HIRA: variants seen among roughly 807,000 people sequenced by gnomAD.
HIRA encodes the protein histone cell cycle regulator.
A neutral mutation model predicts 126.6 loss-of-function variants in HIRA; 13 were observed. The observed-to-expected ratio is 0.10, with a 90% confidence interval of 0.07 to 0.16. The LOEUF (loss-of-function observed/expected upper bound fraction) is 0.16. Ranked by LOEUF, HIRA falls within the 10% of genes least tolerant of loss-of-function variation. HIRA has a pLI of 1.00. For missense variants in HIRA, 834 were observed against 1,314.4 expected (o/e 0.63, Z 5.65); for synonymous variants, 511 against 520.0 (o/e 0.98, Z 0.24).
At chr22:19,397,703 C>G (rs2089235172) in intron 6 of HIRA, among the ~76,000 whole-genome samples, 1 of 152,142 alleles carries the variant, frequency 6.6e-6, no homozygotes, top group African/African-American at 2.4e-5. Flanking sequence ...GGTGGGGGTG[C>G]ACACAGCAGG....
chr22:19,383,017 G>C (rs1246137458), intron 13 of HIRA, among the ~76,000 whole-genome samples: 2 of 152,004 alleles, frequency 1.3e-5, no homozygotes, highest in African/African-American at 4.8e-5. Context: ...CGAGAAACTG[G>C]ACACAAACAC....
chr22:19,351,237 A>G lies in HIRA; in HGVS notation c.2937+121T>C. On this transcript the variant is annotated intron_variant, in intron 24 of 24. Transcript: ENST00000263208. The surrounding 1 kb of genome is among the most constrained non-coding windows in gnomAD (Gnocchi z 4.8). ...ACCCTCTCACTGATGCTGGGACCTG[A>G]GGCTGGGTGCTGGAGAAGTCTAACG... The G allele has an allele frequency of 2.1e-6, 3 of 1,425,124 alleles. No individual in the cohort carries two copies. In the Admixed American group the frequency reaches 8.8e-5, roughly 42 times the overall value. 88.3% of individuals were successfully genotyped at this position (1,425,124 alleles called of 1,614,324 possible).
In HIRA at chr22:19,378,710, G is replaced by A. The variant is rs138452649; in HGVS notation, c.1416-644C>T. Reference sequence around the variant, plus strand: ...TGTCAGGACTAAAGCAGTTGGTGTAGGACACTCTTAGAACACACATTGGCT... The same window carrying A: ...TGTCAGGACTAAAGCAGTTGGTGTAAGACACTCTTAGAACACACATTGGCT... On this transcript the variant is annotated intron_variant, in intron 13 of 24. Coordinates refer to ENST00000263208, the MANE Select transcript of HIRA (RefSeq NM_003325.4). Among the ~76,000 whole-genome samples the A allele has an allele frequency of 2.4e-4, 37 of 152,274 alleles. No homozygotes were observed. The East Asian group carries it at 6.9e-3, about 29-fold the overall frequency.
intron 14 of HIRA, among the ~76,000 whole-genome samples, chr22:19,376,408 G>A (rs146714770): frequency 9.2e-5 from 14 of 152,158 alleles, no homozygotes; most frequent in East Asian, 5.8e-4. Context: ...CACACCACAC[G>A]CTTTGGGACC....
At chr22:19,415,195 A>G (rs1254993555) in intron 1 of HIRA, among the ~76,000 whole-genome samples, 1 of 152,184 alleles carries the variant, frequency 6.6e-6, no homozygotes, top group Non-Finnish European at 1.5e-5. Flanking sequence ...TAAAAATTCC[A>G]CAGAAAAACT....
intron 2 of HIRA, among the ~76,000 whole-genome samples, chr22:19,410,260 T>G (rs1303104976): frequency 2.0e-5 from 3 of 152,250 alleles, no homozygotes; most frequent in Non-Finnish European, 4.4e-5. Flanking sequence ...GCCCACAGTG[T>G]GCTTTCTCTT....
intron 1 of HIRA, among the ~76,000 whole-genome samples, chr22:19,418,961 T>A (rs1042899949): frequency 6.6e-6 from 1 of 151,906 alleles, no homozygotes; most frequent in Non-Finnish European, 1.5e-5. Context: ...CAAGGCCTGT[T>A]TTTAAAAAAC....
At chr22:19,391,473 TTTTC>T (rs1056713073) in intron 9 of HIRA, among the ~76,000 whole-genome samples, 7 of 148,582 alleles carry the variant, frequency 4.7e-5, no homozygotes, top group Admixed American at 2.7e-4. Context: ...ATATAAAGAT[TTTTC>T]TTTTTCTTTT....
At chr22:19,337,902 C>T (rs1422924241) in intron 24 of HIRA, among the ~76,000 whole-genome samples, 22 of 152,144 alleles carry the variant, frequency 1.4e-4, no homozygotes, top group Admixed American at 1.4e-3. Context: ...CGCAATTCTC[C>T]TGCCTCAGCC....
Position 19,421,735 on chromosome 22 carries a change from G to A in HIRA, c.37+9705C>T, listed in dbSNP as rs186469809. Among the ~76,000 whole-genome samples the A allele has an allele frequency of 1.1e-4, 17 of 152,198 alleles. 1 individual carries two copies. The highest frequency in any genetic ancestry group is 4.1e-4 in the African/African-American group (17 of 41,528). ...CACCCAGGCTGGACCGCAGTGATGC[G>A]ACCTCAGCTCACTGCAACCTCCCAC... On this transcript the variant is annotated intron_variant, in intron 1 of 24. Coordinates refer to ENST00000263208, the MANE Select transcript of HIRA (RefSeq NM_003325.4).
In HIRA at chr22:19,375,613, C is replaced by T. The variant is rs753924342; in HGVS notation, c.1775+18G>A. On this transcript the variant is annotated intron_variant, in intron 15 of 24. Transcript: ENST00000263208. ...TGCACCCTGCCTGGTCCTTCAGGGTCCTGCAGCTACCACCTACCTTTCCAC... is the reference window on the plus strand; with the variant it reads ...TGCACCCTGCCTGGTCCTTCAGGGTTCTGCAGCTACCACCTACCTTTCCAC... The T allele has an allele frequency of 5.6e-6, 9 of 1,613,446 alleles. No homozygotes were observed. In the Middle Eastern group the frequency reaches 6.6e-4, roughly 118 times the overall value.
intron 24 of HIRA, among the ~76,000 whole-genome samples, chr22:19,349,354 C>T (rs151245932): frequency 2.0e-5 from 3 of 152,046 alleles, no homozygotes; most frequent in African/African-American, 4.8e-5. Flanking sequence ...CCACCCATCT[C>T]GGTTTCCCAA....
chr22:19,371,223 T>C (rs750499582), intron 15 of HIRA, among the ~76,000 whole-genome samples: 3 of 152,168 alleles, frequency 2.0e-5, no homozygotes, highest in Non-Finnish European at 2.9e-5. Flanking sequence ...TCTTGACAAC[T>C]ACCCCGCAGC....
chr22:19,422,201 T>C (rs5748197), intron 1 of HIRA, among the ~76,000 whole-genome samples: 26,264 of 133,542 alleles, frequency 0.2, 2,492 homozygotes, highest in East Asian at 0.33. Context: ...CACATACACA[T>C]ATATATATAT....
At chr22:19,429,226 C>G (rs1429456878) in intron 1 of HIRA, among the ~76,000 whole-genome samples, 2 of 146,898 alleles carry the variant, frequency 1.4e-5, no homozygotes, top group African/African-American at 5.1e-5. Context: ...CAACCTCTAC[C>G]TCCCGGGCTC....
chr22:19,377,786 C>G, intron 14 of HIRA, 83 bp downstream of exon 14: 3 of 1,263,416 alleles, frequency 2.4e-6, no homozygotes, highest in Non-Finnish European at 3.3e-6. Flanking sequence ...AAAGTGCAAA[C>G]AGAATAAAAT....
chr22:19,414,059 T>C (rs2089375659), intron 1 of HIRA, among the ~76,000 whole-genome samples: 1 of 152,124 alleles, frequency 6.6e-6, no homozygotes, highest in South Asian at 2.1e-4. Context: ...CTGGCCTTTC[T>C]TTGTAATAGA....
intron 24 of HIRA, among the ~76,000 whole-genome samples, chr22:19,340,754 CTT>C (rs1242584411): frequency 3.5e-4 from 54 of 152,268 alleles, no homozygotes; most frequent in African/African-American, 1.2e-3. Context: ...TCAAGAACCT[CTT>C]GTTACAATAG....
At position 19,410,603 on chromosome 22, in the gene HIRA, T is replaced by C. The variant is rs2089344594; in HGVS notation, c.100+113A>G. On this transcript the variant is annotated intron_variant, in intron 2 of 24. Coordinates refer to ENST00000263208, the MANE Select transcript of HIRA (RefSeq NM_003325.4). ...TTATAACTGTACATTTTAAACAGCG[T>C]TGCATCCATCCTGAAAAATAGCAAG... is the stretch of plus-strand genomic sequence containing the variant. 6 of 764,398 alleles carry C rather than the reference T, an allele frequency of 7.8e-6. 1 individual carries two copies. In the South Asian group the frequency reaches 9.4e-5, roughly 12 times the overall value. The allele number at this position is 764,398 out of a possible 1,614,324, so 47.4% of individuals were successfully genotyped here.
Sources: gnomAD v4.1 joint callset for allele counts (sites outside exome capture counted in the v4.1 genomes callset) on GRCh38, gnomAD v4.1.1 for gene constraint, Gnocchi (gnomAD v3.1) non-coding constraint, MANE v1.5 for transcripts, NCBI Gene and HGNC (gene_info 2026-07-23, HGNC 2026-07-21) for gene names.